DNAH9: variants seen among roughly 807,000 people sequenced by gnomAD.
DNAH9 encodes the protein dynein axonemal heavy chain 9.
In DNAH9, 345 loss-of-function variants were observed where a neutral mutation model predicts 471.6. The observed-to-expected ratio is 0.73, with a 90% CI of 0.67 to 0.80. The LOEUF is 0.80. Among genes scored for constraint, DNAH9 ranks in the 30% least tolerant of loss-of-function variants. The probability of loss-of-function intolerance (pLI) is 0.00; values close to 1 mark genes in which losing one functional copy is unlikely to be tolerated. For synonymous variants in DNAH9, 2,093 were observed against 2,123.6 expected (o/e 0.99, Z 0.40); for missense variants, 5,407 against 5,609.2 (o/e 0.96, Z 1.15).
In DNAH9 at chr17:11,617,519, T is replaced by C; in HGVS notation, c.1013T>C (p.Leu338Pro). The change falls in exon 5 of 69, where the codon CTG becomes CCG. Residue 338 changes from leucine to proline, a missense_variant. By Grantham distance (98) the Leu-to-Pro change is moderately conservative (BLOSUM62 -3). Transcript: ENST00000262442. ...GAGGTGAAGCCCCAGCTGCGGCCCC[T>C]GCTCCACGTGGTCTGTCTGATTTGG... is the stretch of plus-strand genomic sequence containing the variant. The part of the protein sequence containing the change: ...FPEVKPQLRP[L>P]LHVVCLIWAT... 1 of 1,614,096 alleles carries C rather than the reference T, an allele frequency of 6.2e-7. No individual in the cohort carries two copies. Among genetic ancestry groups the C allele is most frequent in the Non-Finnish European group, 8.5e-7 (1 of 1,179,994 alleles).
chr17:11,822,167 G>C (rs1970330635), intron 46 of DNAH9, 105 bp downstream of exon 46: 2 of 1,351,230 alleles, frequency 1.5e-6, no homozygotes, highest in Non-Finnish European at 2.0e-6. Flanking sequence ...TCTAGAGTAG[G>C]TGGTGAGTGT....
rs771218508 is a variant in DNAH9, at chr17:11,647,178, A to G, written c.2077A>G (p.Thr693Ala). Residue 693 changes from threonine (T) to alanine (A), a missense_variant, in exon 12 of 69, where the codon ACT becomes GCT. Thr to Ala is a moderately conservative substitution (Grantham distance 58). This residue lies in a region of DNAH9 where 4,636 missense variants were observed against 4,900.3 expected (regional missense o/e 0.95). Transcript: ENST00000262442. ...LKRDPETKEI[T>A]INFNPQLISV... is the part of the protein sequence containing the mutation. The stretch of plus-strand genomic sequence containing the variant: ...ACGTGACCCAGAGACGAAGGAGATC[A>G]CTATCAACTTTAACCCACAGGTCAG... 2 of 1,614,030 alleles carry G rather than the reference A, an allele frequency of 1.2e-6. No individual in the cohort carries two copies. Among genetic ancestry groups the G allele is most frequent in the Non-Finnish European group, 1.7e-6 (2 of 1,179,924 alleles).
At position 11,952,309 on chromosome 17, in the gene DNAH9, C is replaced by CTTTTTTT. The variant is rs753276964; in HGVS notation, c.12844-9536_12844-9530dup. Among the ~76,000 whole-genome samples, 157 of 71,082 alleles carry CTTTTTTT rather than the reference C, an allele frequency of 2.2e-3. 15 individuals are homozygous for CTTTTTTT. Among genetic ancestry groups the CTTTTTTT allele is most frequent in the East Asian group, 2.8e-3 (7 of 2,486 alleles). The allele number at this position is 71,082 out of a possible 152,430, so 46.6% of individuals were successfully genotyped here. On this transcript the variant is annotated intron_variant, in intron 67 of 68. Transcript: ENST00000262442. The stretch of plus-strand genomic sequence containing the variant: ...CATGCACCATTACACCCAGCTAATT[C>CTTTTTTT]TTTTTTTTTTTTTTTTTTTTTTTTT...
At chr17:11,804,136 C>T (rs566468018) in intron 43 of DNAH9, among the ~76,000 whole-genome samples, 7 of 152,138 alleles carry the variant, frequency 4.6e-5, no homozygotes, top group Non-Finnish European at 1.0e-4. Flanking sequence ...CTAGAAATTA[C>T]AGTTTCATAG....
chr17:11,877,701 A>G (rs1418738561), intron 53 of DNAH9, among the ~76,000 whole-genome samples: 1 of 152,170 alleles, frequency 6.6e-6, no homozygotes, highest in Non-Finnish European at 1.5e-5. Flanking sequence ...CAAGTCAAAC[A>G]TTAAATATTA....
intron 45 of DNAH9, among the ~76,000 whole-genome samples, chr17:11,812,052 TATAC>T (rs1194132531): frequency 0.023 from 1,471 of 64,812 alleles, 146 homozygotes; most frequent in African/African-American, 0.081. Flanking sequence ...TATATATATA[TATAC>T]ACATACATAC....
chr17:11,797,897 G>A (rs1015702442), intron 43 of DNAH9, 104 bp downstream of exon 43: 48 of 1,201,194 alleles, frequency 4.0e-5, no homozygotes, highest in Non-Finnish European at 5.1e-5. Flanking sequence ...CAGGTAAGGA[G>A]CTCCGGCTTC....
At chr17:11,768,997 C>T (rs1431888330) in intron 37 of DNAH9, 125 bp from the exon 38 acceptor site, 31 of 953,146 alleles carry the variant, frequency 3.3e-5, no homozygotes, top group Middle Eastern at 2.7e-4. Flanking sequence ...TACTCCTGAC[C>T]GGTGCTTATT....
In DNAH9 at chr17:11,705,085, G is replaced by A; in HGVS notation, c.5452G>A (p.Val1818Ile). 6.2e-7 allele frequency: 1 copy of A among 1,614,166 alleles called. No homozygotes were observed. The highest frequency in any genetic ancestry group is 8.5e-7 in the Non-Finnish European group (1 of 1,180,000). ...SQLRHRWDDE[V>I]KHCFANICDA... ...GCTGCGCCATCGTTGGGATGACGAG[G>A]TCAAACACTGCTTTGCCAACATCTG... is the stretch of plus-strand genomic sequence containing the variant. Residue 1818 changes from valine to isoleucine, a missense_variant, in exon 26 of 69, where the codon GTC (valine) becomes ATC (isoleucine). By Grantham distance (29) the Val-to-Ile change is conservative. This residue lies in a region of DNAH9 where 4,636 missense variants were observed against 4,900.3 expected (regional missense o/e 0.95). Coordinates refer to ENST00000262442, the MANE Select transcript of DNAH9 (RefSeq NM_001372.4).
At chr17:11,717,320 C>A (rs1053132990) in intron 26 of DNAH9, among the ~76,000 whole-genome samples, 17 of 151,930 alleles carry the variant, frequency 1.1e-4, no homozygotes, top group African/African-American at 3.1e-4. Flanking sequence ...ATCACTTGAG[C>A]CCTGGAGTTC....
chr17:11,702,181 T>C (rs1334130572), intron 24 of DNAH9, among the ~76,000 whole-genome samples: 5 of 152,230 alleles, frequency 3.3e-5, no homozygotes. Flanking sequence ...CAGGTGTGTC[T>C]GAGCCAGAGT....
rs531352681 is a variant in DNAH9, at chr17:11,881,150, G to C, written c.10602-59G>C. On this transcript the variant is annotated intron_variant, in intron 54 of 68. Transcript: ENST00000262442. The stretch of plus-strand genomic sequence containing the variant: ...TTGTTTGAAAAAAATCTCAAATTCT[G>C]ACCCCAACCAAATTTTGCAGGAAGG... The C allele has an allele frequency of 7.7e-6, 12 of 1,556,226 alleles. No homozygotes were observed. In the South Asian group the frequency reaches 1.2e-4, roughly 16 times the overall value.
rs1976283543 is a variant in DNAH9 at position 11,962,360 on chromosome 17, T to A, written c.13233+104T>A. ...TAAAAGAGATATTCCTGAATCTTTT[T>A]CTCTAGCTAACCTTCTTTCCTTGAG... is the stretch of plus-strand genomic sequence containing the variant. On this transcript the variant is annotated intron_variant, in intron 68 of 68. Transcript: ENST00000262442. The surrounding 1 kb of genome is among the most constrained non-coding windows in gnomAD (Gnocchi z 4.1). 1 of 1,452,804 alleles carries A rather than the reference T, an allele frequency of 6.9e-7. No homozygotes were observed. The highest frequency in any genetic ancestry group is 1.4e-5 in the African/African-American group (1 of 70,606). 90.0% of individuals were successfully genotyped at this position (1,452,804 alleles called of 1,614,324 possible). A position where few individuals can be genotyped will look rare whatever the true frequency, so the allele number is the denominator to read the frequency against.
chr17:11,856,592 G>A (rs1234449446), intron 50 of DNAH9, among the ~76,000 whole-genome samples: 1 of 150,736 alleles, frequency 6.6e-6, no homozygotes, highest in Non-Finnish European at 1.5e-5. Context: ...TGTAGTCCCA[G>A]CTACTTAGGA....
intron 48 of DNAH9, among the ~76,000 whole-genome samples, chr17:11,823,746 A>G (rs747563227): frequency 6.6e-6 from 1 of 152,066 alleles, no homozygotes; most frequent in East Asian, 1.9e-4. Context: ...CCTGGCCAAC[A>G]TGGTGAAACT....
intron 9 of DNAH9, 46 bp downstream of exon 9, chr17:11,636,830 A>G: frequency 6.4e-7 from 1 of 1,557,988 alleles, no homozygotes; most frequent in East Asian, 2.2e-5. Context: ...CTGTTACTGG[A>G]AAGAAGCAAC....
In DNAH9 at chr17:11,871,747, C is replaced by T. The variant is rs868677086; in HGVS notation, c.10203C>T (p.Leu3401=). ...GFFTKKYRQS[L]LDRTWRPYLS... is the part of the protein sequence containing the mutation. ...TCACAAAGAAATACCGGCAGAGCCT[C>T]CTGGACAGAACTTGGAGGCCCTACC... The change falls in exon 52 of 69, where the codon CTC becomes CTT. Residue 3401 remains leucine (L), a synonymous_variant. Transcript: ENST00000262442. 7 of 1,614,182 alleles carry T rather than the reference C, an allele frequency of 4.3e-6. No individual in the cohort carries two copies. The highest frequency in any genetic ancestry group is 1.6e-4 in the Middle Eastern group (1 of 6,062).
At chr17:11,675,058 A>G (rs1567710324) in intron 17 of DNAH9, among the ~76,000 whole-genome samples, 1 of 152,168 alleles carries the variant, frequency 6.6e-6, no homozygotes, top group African/African-American at 2.4e-5. Flanking sequence ...GATCAATTTG[A>G]GTAGAATTGA....
At chr17:11,881,910 C>CAA (rs11440448) in intron 55 of DNAH9, among the ~76,000 whole-genome samples, 16 of 149,650 alleles carry the variant, frequency 1.1e-4, no homozygotes, top group East Asian at 4.0e-4. Flanking sequence ...GGTTCTGTCT[C>CAA]AAAAAAAAGA....
Sources: gnomAD v4.1 joint callset for allele counts (sites outside exome capture counted in the v4.1 genomes callset) on GRCh38, gnomAD v4.1.1 for gene constraint, gnomAD v4.1.1 regional missense constraint, Gnocchi (gnomAD v3.1) non-coding constraint, MANE v1.5 for transcripts, NCBI Gene and HGNC (gene_info 2026-07-23, HGNC 2026-07-21) for gene names.